GNG4: variants seen among roughly 807,000 people sequenced by gnomAD.
The protein encoded by GNG4 is guanine nucleotide-binding protein G(I)/G(S)/G(O) subunit gamma-4.
Under a neutral mutation model 5.8 loss-of-function variants are expected in GNG4, and 4 were observed. The ratio of observed to expected loss-of-function variants is 0.69; its 90% CI spans 0.34 to 1.57. The LOEUF is 1.57. GNG4 is among the 40% of genes most tolerant of loss of function. The pLI is 0.06. For missense variants in GNG4, 96 were observed against 95.1 expected (o/e 1.01, Z -0.04); for synonymous variants, 29 against 32.9 (o/e 0.88, Z 0.41).
At chr1:235,606,520 G>A (rs1021764774) in intron 1 of GNG4, among the ~76,000 whole-genome samples, 8 of 152,020 alleles carry the variant, frequency 5.3e-5, no homozygotes, top group African/African-American at 1.9e-4. Flanking sequence ...ATGCTGGGGA[G>A]GGGGGAAAGG....
chr1:235,549,771 G>C lies in GNG4; in HGVS notation c.*2338C>G, dbSNP rs923795329. On this transcript the variant is annotated 3_prime_UTR_variant, in exon 4 of 4. Coordinates refer to ENST00000391854, the MANE Select transcript of GNG4 (RefSeq NM_001098722.2). Reference sequence around the variant, plus strand: ...GGGCAGCAAGTCATTAATTGGTCTGGAAATTACATTTGCCTCTTTGCAGGC... The same window carrying C: ...GGGCAGCAAGTCATTAATTGGTCTGCAAATTACATTTGCCTCTTTGCAGGC... 2.6e-5 allele frequency: 4 copies of C among 152,232 alleles called. No homozygotes were observed. The highest frequency in any genetic ancestry group is 4.4e-5 in the Non-Finnish European group (3 of 68,040). The allele number at this position is 152,232 out of a possible 1,614,324, so 9.4% of individuals were successfully genotyped here.
intron 1 of GNG4, among the ~76,000 whole-genome samples, chr1:235,622,402 C>T (rs759095928): frequency 3.2e-4 from 49 of 152,164 alleles, no homozygotes; most frequent in Non-Finnish European, 4.3e-4. Flanking sequence ...GAGGCTGGAA[C>T]TTTTGTGGTT....
At chr1:235,623,621 C>T (rs1185541380) in intron 1 of GNG4, among the ~76,000 whole-genome samples, 1 of 152,234 alleles carries the variant, frequency 6.6e-6, no homozygotes, top group Non-Finnish European at 1.5e-5. Context: ...AACGCTCTTC[C>T]TTTCTTGTCT....
chr1:235,575,104 C>T (rs1192705047), intron 3 of GNG4, among the ~76,000 whole-genome samples: 1 of 152,158 alleles, frequency 6.6e-6, no homozygotes, highest in Non-Finnish European at 1.5e-5. Flanking sequence ...GAGTTACAGG[C>T]ATGAGCCACT....
At chr1:235,640,643 GCC>G (rs1036963584) in intron 1 of GNG4, among the ~76,000 whole-genome samples, 14 of 152,266 alleles carry the variant, frequency 9.2e-5, no homozygotes, top group Non-Finnish European at 7.3e-5. Flanking sequence ...GCGTCCTTGA[GCC>G]CGCCTGAATC....
rs1657363412 is a variant in GNG4, at chr1:235,642,555, G to C, written c.-123+7107C>G. Among the ~76,000 whole-genome samples, 1 of 152,070 alleles carries C rather than the reference G, an allele frequency of 6.6e-6. No individual in the cohort carries two copies. The highest frequency in any genetic ancestry group is 1.5e-5 in the Non-Finnish European group (1 of 68,008). Reference sequence around the variant, plus strand: ...CAGAAAGAATGAGTCATCCAGGAAGGCGAGGTGGTGGCGGGTTGGCTGTGG... The same window carrying C: ...CAGAAAGAATGAGTCATCCAGGAAGCCGAGGTGGTGGCGGGTTGGCTGTGG... On this transcript the variant is annotated intron_variant, in intron 1 of 3. Coordinates refer to ENST00000391854, the MANE Select transcript of GNG4 (RefSeq NM_001098722.2). This position sits in a 1 kb window ranked among gnomAD's most constrained non-coding sequence, Gnocchi z 4.3.
At chr1:235,573,879 A>G (rs923250145) in intron 3 of GNG4, among the ~76,000 whole-genome samples, 1 of 152,236 alleles carries the variant, frequency 6.6e-6, no homozygotes, top group South Asian at 2.1e-4. Flanking sequence ...AATAGATATT[A>G]AAAATGACAT....
At chr1:235,626,956 CTCAAAAAAAAAAAAAAAAAAAAAA>C (rs1295607208) in intron 1 of GNG4, among the ~76,000 whole-genome samples, 5 of 43,438 alleles carry the variant, frequency 1.2e-4, no homozygotes, top group Admixed American at 3.6e-4. Context: ...GAGACTCTAT[CTCAAAAAAAAAAAAAAAAAAAAAA>C]AAAAAAAAAA....
Position 235,622,567 on chromosome 1 carries a change from C to T in GNG4, c.-122-27056G>A, listed in dbSNP as rs188668469. 3.7e-3 allele frequency among the ~76,000 whole-genome samples: 553 copies of T among 151,502 alleles called. 5 individuals carry two copies. The highest frequency in any genetic ancestry group is 0.012 in the African/African-American group (490 of 41,272). On this transcript the variant is annotated intron_variant, in intron 1 of 3. Coordinates refer to ENST00000391854, the MANE Select transcript of GNG4 (RefSeq NM_001098722.2). ...CATCTCTACTAAAAATACAAAAATTCGGCCAGGCACGGTGGCTCACCTGAG... is the reference window on the plus strand; with the variant it reads ...CATCTCTACTAAAAATACAAAAATTTGGCCAGGCACGGTGGCTCACCTGAG...
intron 3 of GNG4, among the ~76,000 whole-genome samples, chr1:235,576,848 A>G (rs1287416883): frequency 6.6e-6 from 1 of 152,158 alleles, no homozygotes. Context: ...GCCTCAATCT[A>G]TATCCCCTAC....
intron 2 of GNG4, among the ~76,000 whole-genome samples, chr1:235,593,270 G>A (rs1430427506): frequency 6.6e-6 from 1 of 152,164 alleles, no homozygotes; most frequent in Non-Finnish European, 1.5e-5. Context: ...ATTCTGATGG[G>A]CTGCATCTTG....
chr1:235,611,320 A>C (rs1688471690), intron 1 of GNG4, among the ~76,000 whole-genome samples: 1 of 151,930 alleles, frequency 6.6e-6, no homozygotes, highest in Non-Finnish European at 1.5e-5. Context: ...GGTGTGTGCC[A>C]CCATGCTGGA....
intron 3 of GNG4, among the ~76,000 whole-genome samples, chr1:235,582,342 C>T (rs1382597160): frequency 2.0e-5 from 3 of 152,188 alleles, no homozygotes; most frequent in East Asian, 1.9e-4. Flanking sequence ...CAGCTCCTCC[C>T]GCTGCCCAGC....
chr1:235,612,750 T>A (rs1226888243), intron 1 of GNG4, among the ~76,000 whole-genome samples: 2 of 152,152 alleles, frequency 1.3e-5, no homozygotes, highest in Non-Finnish European at 2.9e-5. Context: ...CTTGAACACC[T>A]GGGCTCAAGT....
chr1:235,604,997 C>G (rs994539202), intron 1 of GNG4, among the ~76,000 whole-genome samples: 1 of 152,104 alleles, frequency 6.6e-6, no homozygotes, highest in East Asian at 1.9e-4. Flanking sequence ...CTATACTCAC[C>G]TCAATTTTTT....
intron 3 of GNG4, among the ~76,000 whole-genome samples, chr1:235,580,739 GTTTTTTGTTT>G (rs1351404986): frequency 2.0e-5 from 2 of 98,048 alleles, no homozygotes; most frequent in Non-Finnish European, 1.9e-5. Context: ...GGCCTATCCC[GTTTTTTGTTT>G]TTTTTTTTTT....
chr1:235,614,883 T>G (rs1688556305), intron 1 of GNG4: 1 of 152,220 alleles, frequency 6.6e-6, no homozygotes, highest in South Asian at 2.1e-4. Context: ...CTACCTGGAA[T>G]TGGGAGTGAG....
chr1:235,612,944 C>T (rs1028500921), intron 1 of GNG4, among the ~76,000 whole-genome samples: 1 of 152,182 alleles, frequency 6.6e-6, no homozygotes, highest in Non-Finnish European at 1.5e-5. Context: ...GACTGTTCAC[C>T]TCTCACTGTG....
chr1:235,617,687 C>A (rs1198764855), intron 1 of GNG4, among the ~76,000 whole-genome samples: 3 of 152,062 alleles, frequency 2.0e-5, no homozygotes, highest in Non-Finnish European at 4.4e-5. Context: ...GAGTTCAAGA[C>A]CAGCCTGACC....
Sources: gnomAD v4.1 joint callset for allele counts (sites outside exome capture counted in the v4.1 genomes callset) on GRCh38, gnomAD v4.1.1 for gene constraint, Gnocchi (gnomAD v3.1) non-coding constraint, MANE v1.5 for transcripts, NCBI Gene and HGNC (gene_info 2026-07-23, HGNC 2026-07-21) for gene names.